Variants in MID1 observed in about 807,000 individuals in gnomAD.
MID1 encodes E3 ubiquitin-protein ligase Midline-1.
Under a neutral mutation model 40.4 loss-of-function variants are expected in MID1, and 7 were observed. The ratio of observed to expected loss-of-function variants is 0.17; its 90% CI spans 0.10 to 0.33. The LOEUF is 0.33. MID1 is among the 10% of genes least tolerant of loss of function. MID1 has a pLI of 1.00. For synonymous variants in MID1, 229 were observed against 221.2 expected, an observed-to-expected ratio of 1.04 and a Z score of -0.31; for missense variants, 367 against 558.5, an observed-to-expected ratio of 0.66 and a Z score of 3.46.
intron 1 of MID1, among the ~76,000 whole-genome samples, chrX:10,739,563 C>G (rs1242646070): frequency 9.0e-6 from 1 of 111,714 alleles, no homozygotes; most frequent in Non-Finnish European, 1.9e-5. Flanking sequence ...AAATTTTATA[C>G]TTTCCAGCAA....
In MID1 at chrX:10,535,059, C is replaced by T. The variant is rs7057779; in HGVS notation, c.661-11872G>A. ...CTTTGTCTATTCAAGATGATTTCGA[C>T]TGAGTTGAAAGAAATGTGGAAATCA... On this transcript the variant is annotated intron_variant, in intron 2 of 9. Coordinates refer to ENST00000317552, the MANE Select transcript of MID1 (RefSeq NM_000381.4). Among the ~76,000 whole-genome samples the T allele has an allele frequency of 1.0e-2, 1,118 of 112,231 alleles. 14 individuals are homozygous for T. The highest frequency in any genetic ancestry group is 0.034 in the African/African-American group (1,058 of 30,895).
intron 2 of MID1, among the ~76,000 whole-genome samples, chrX:10,528,812 T>C (rs1932886244): frequency 8.9e-6 from 1 of 112,635 alleles, no homozygotes; most frequent in African/African-American, 3.2e-5. Flanking sequence ...ATTCTTTCTG[T>C]ACAAGATGCT....
chrX:10,500,579 G>T (rs1335070150), intron 3 of MID1, among the ~76,000 whole-genome samples: 1 of 112,132 alleles, frequency 8.9e-6, no homozygotes, highest in Non-Finnish European at 1.9e-5. Context: ...CAGTTTTGCT[G>T]TTTCATGTGT....
chrX:10,761,960 T>C (rs1317086501), intron 1 of MID1, among the ~76,000 whole-genome samples: 2 of 111,969 alleles, frequency 1.8e-5, no homozygotes, highest in African/African-American at 3.3e-5. Context: ...ATAATAGAAA[T>C]AGATTGGCTT....
rs564616988 is a variant in MID1, at chrX:10,749,687, C to A, written c.-187+83867G>T. Among the ~76,000 whole-genome samples, 43 of 111,433 alleles carry A rather than the reference C, an allele frequency of 3.9e-4. No homozygotes were observed. In the South Asian group the frequency reaches 0.016, roughly 41 times the overall value. ...AGGAAGCTTACAGTCATACGGAAAG[C>A]AAAGGGGAAGAAGCACGTCACTTGG... On this transcript the variant is annotated intron_variant, in intron 1 of 10. Coordinates refer to the MID1 transcript ENST00000380785.
At chrX:10,599,723 A>G (rs771651494) in intron 1 of MID1, among the ~76,000 whole-genome samples, 11 of 112,404 alleles carry the variant, frequency 9.8e-5, no homozygotes, top group Admixed American at 2.8e-4. Flanking sequence ...ACGCACAAAC[A>G]CTTAAATATC....
chrX:10,502,690 C>T (rs1931618078), intron 3 of MID1, among the ~76,000 whole-genome samples: 1 of 111,974 alleles, frequency 8.9e-6, no homozygotes, highest in Admixed American at 9.5e-5. Flanking sequence ...GTCTACTTTA[C>T]AAGTTTGCCT....
At chrX:10,461,596 G>A (rs1488917555) in intron 7 of MID1, among the ~76,000 whole-genome samples, 2 of 111,189 alleles carry the variant, frequency 1.8e-5, no homozygotes, top group Non-Finnish European at 3.8e-5. Flanking sequence ...ATCAAAGAAG[G>A]GTCATTTTGA....
chrX:10,788,196 T>A (rs2043901134), intron 1 of MID1, among the ~76,000 whole-genome samples: 1 of 111,781 alleles, frequency 8.9e-6, no homozygotes, highest in African/African-American at 3.3e-5. Flanking sequence ...CTTTGTAAAG[T>A]GTAATGGATT....
At chrX:10,729,373 TC>T (rs111380640) in intron 1 of MID1, among the ~76,000 whole-genome samples, 4,209 of 112,088 alleles carry the variant, frequency 0.038, 171 homozygotes, top group African/African-American at 0.13. Flanking sequence ...CGAATGCTAA[TC>T]CTTACTTAAG....
At chrX:10,580,792 T>G (rs1238080004) in intron 1 of MID1, among the ~76,000 whole-genome samples, 1 of 110,410 alleles carries the variant, frequency 9.1e-6, no homozygotes, top group African/African-American at 3.3e-5. Context: ...GATGAGCTGA[T>G]GTGCTTTCTT....
At chrX:10,492,225 A>G (rs1343693071) in intron 4 of MID1, among the ~76,000 whole-genome samples, 1 of 111,758 alleles carries the variant, frequency 8.9e-6, no homozygotes, top group Non-Finnish European at 1.9e-5. Flanking sequence ...AATTAATTTT[A>G]TCTGGGGTAA....
intron 1 of MID1, among the ~76,000 whole-genome samples, chrX:10,641,346 C>T (rs774663138): frequency 2.8e-4 from 31 of 111,385 alleles, no homozygotes; most frequent in East Asian, 5.6e-4. Flanking sequence ...ATATCACCAC[C>T]GATCCCACAG....
intron 1 of MID1, chrX:10,589,991 G>A (rs937296772): frequency 1.8e-5 from 2 of 110,084 alleles, no homozygotes; most frequent in African/African-American, 6.6e-5. Context: ...CCCTTTTAAG[G>A]GCTCACAACT....
intron 2 of MID1, among the ~76,000 whole-genome samples, chrX:10,535,125 T>C (rs766910332): frequency 9.0e-6 from 1 of 111,621 alleles, no homozygotes; most frequent in Non-Finnish European, 1.9e-5. Flanking sequence ...AGGGGAGTAG[T>C]TCCCATTCTG....
chrX:10,606,395 AATT>A (rs1013335844), intron 1 of MID1, among the ~76,000 whole-genome samples: 1 of 111,365 alleles, frequency 9.0e-6, no homozygotes, highest in African/African-American at 3.3e-5. Context: ...TTTATATAAT[AATT>A]ATTGTTGCCA....
chrX:10,810,143 CTG>C (rs1190607187), intron 1 of MID1, among the ~76,000 whole-genome samples: 1 of 111,537 alleles, frequency 9.0e-6, no homozygotes, highest in Non-Finnish European at 1.9e-5. Flanking sequence ...CAAACAGAAA[CTG>C]TGTTCATTAG....
chrX:10,592,629 T>C (rs1012388103), intron 1 of MID1, among the ~76,000 whole-genome samples: 1 of 110,526 alleles, frequency 9.0e-6, no homozygotes, highest in African/African-American at 3.3e-5. Flanking sequence ...TTTTCATATA[T>C]ATATACATGT....
At chrX:10,711,475 A>T (rs934592677) in intron 1 of MID1, among the ~76,000 whole-genome samples, 1 of 112,276 alleles carries the variant, frequency 8.9e-6, no homozygotes. Flanking sequence ...TATGACATGA[A>T]ACATGATTAA....
Sources: allele counts gnomAD v4.1 joint callset (sites outside exome capture counted in the v4.1 genomes callset), GRCh38; gene constraint gnomAD v4.1.1; transcripts MANE v1.5; gene names NCBI Gene and HGNC (gene_info 2026-07-23, HGNC 2026-07-21).